RBMS3: variants seen among roughly 807,000 people sequenced by gnomAD.
The protein encoded by RBMS3 is RNA-binding motif, single-stranded-interacting protein 3.
In RBMS3, 27 loss-of-function variants were observed where a neutral mutation model predicts 66.8. The observed-to-expected ratio is 0.40, with a 90% CI of 0.30 to 0.56. The LOEUF (loss-of-function observed/expected upper bound fraction) is 0.56. RBMS3 is among the 20% of genes least tolerant of loss of function. The probability of loss-of-function intolerance (pLI) is 0.40; values close to 1 mark genes in which losing one functional copy is unlikely to be tolerated. For synonymous variants in RBMS3, 188 were observed against 183.0 expected, an observed-to-expected ratio of 1.03 and a Z score of -0.22; for missense variants, 513 against 549.5, an observed-to-expected ratio of 0.93 and a Z score of 0.66.
intron 1 of RBMS3, among the ~76,000 whole-genome samples, chr3:29,282,320 G>A (rs764704172): frequency 6.6e-6 from 1 of 152,054 alleles, no homozygotes; most frequent in Non-Finnish European, 1.5e-5. Context: ...ATTTTATGTT[G>A]AGGATGATCA....
intron 3 of RBMS3, among the ~76,000 whole-genome samples, chr3:29,522,951 G>T (rs1389500229): frequency 2.0e-5 from 3 of 152,160 alleles, no homozygotes; most frequent in Non-Finnish European, 4.4e-5. Flanking sequence ...CATTGTCGGT[G>T]TAACAGTAGT....
intron 1 of RBMS3, among the ~76,000 whole-genome samples, chr3:29,357,979 A>T (rs1206374325): frequency 6.6e-6 from 1 of 151,794 alleles, no homozygotes; most frequent in African/African-American, 2.4e-5. Flanking sequence ...GATTACAAAA[A>T]TTTTCTCCTA....
intron 4 of RBMS3, among the ~76,000 whole-genome samples, chr3:29,734,835 A>G (rs1303884522): frequency 2.0e-5 from 3 of 152,124 alleles, no homozygotes; most frequent in Non-Finnish European, 2.9e-5. Flanking sequence ...CATTTTGCAT[A>G]TCCTTTTATT....
At chr3:29,375,710 T>A (rs901719663) in intron 1 of RBMS3, among the ~76,000 whole-genome samples, 31 of 152,168 alleles carry the variant, frequency 2.0e-4, no homozygotes, top group African/African-American at 6.8e-4. Flanking sequence ...CAACAGATTC[T>A]GGCAAGGTTA....
chr3:29,953,067 G>A (rs1695786552), intron 12 of RBMS3, among the ~76,000 whole-genome samples: 3 of 151,822 alleles, frequency 2.0e-5, no homozygotes, highest in African/African-American at 7.3e-5. Flanking sequence ...TATACCAGTT[G>A]AACTGTGGAG....
chr3:29,519,062 G>A (rs554403088), intron 3 of RBMS3, among the ~76,000 whole-genome samples: 1 of 152,274 alleles, frequency 6.6e-6, no homozygotes, highest in South Asian at 2.1e-4. Flanking sequence ...AGTAATAATA[G>A]CATGAACTGG....
intron 1 of RBMS3, among the ~76,000 whole-genome samples, chr3:29,317,480 T>C (rs7627275): frequency 0.78 from 118,630 of 151,512 alleles, 46,690 homozygotes; most frequent in East Asian, 0.89. Flanking sequence ...AAGGAATGTG[T>C]AATGAATTCA....
chr3:29,845,360 A>G (rs941397381), intron 6 of RBMS3, among the ~76,000 whole-genome samples: 5 of 152,222 alleles, frequency 3.3e-5, no homozygotes, highest in African/African-American at 9.6e-5. Context: ...AGACTGTTAT[A>G]GTGACCAAAT....
chr3:29,640,506 T>TTA (rs375924500), intron 4 of RBMS3, among the ~76,000 whole-genome samples: 2 of 151,926 alleles, frequency 1.3e-5, no homozygotes, highest in African/African-American at 4.8e-5. Flanking sequence ...GCTTCACTAG[T>TTA]TAATATTTAG....
In RBMS3 at chr3:29,872,672, T is replaced by A. The variant is rs114808634; in HGVS notation, c.744+3708T>A. ...GTAAATAGACACTGCCCCTAGGCCATCAGTGCAACTCCACTTCCCCTTCCT... is the reference window on the plus strand; with the variant it reads ...GTAAATAGACACTGCCCCTAGGCCAACAGTGCAACTCCACTTCCCCTTCCT... On this transcript the variant is annotated intron_variant, in intron 7 of 14. Transcript: ENST00000383767. Among the ~76,000 whole-genome samples the A allele has an allele frequency of 4.0e-3, 612 of 152,252 alleles. 3 individuals carry two copies. The highest frequency in any genetic ancestry group is 0.014 in the African/African-American group (582 of 41,546).
chr3:29,315,111 T>C (rs2034594175), intron 1 of RBMS3, among the ~76,000 whole-genome samples: 1 of 151,810 alleles, frequency 6.6e-6, no homozygotes. Context: ...TTAGACACTA[T>C]TGGCACCATT....
In RBMS3 at chr3:29,502,745, T is replaced by C. The variant is rs151051774; in HGVS notation, c.307+14246T>C. ...TTATGTTGGCAAATGTCTAGCTTTC[T>C]ATCTAGGTTAACTTTAAAGTGAGCT... On this transcript the variant is annotated intron_variant, in intron 3 of 14. Transcript: ENST00000383767. 7.0e-4 allele frequency among the ~76,000 whole-genome samples: 107 copies of C among 152,324 alleles called. 1 individual carries two copies. The Middle Eastern group carries it at 0.01, about 15-fold the overall frequency.
chr3:29,590,820 T>G (rs2047708317), intron 4 of RBMS3, among the ~76,000 whole-genome samples: 1 of 152,130 alleles, frequency 6.6e-6, no homozygotes. Flanking sequence ...AGAGGCCAAT[T>G]CTTTGGGGTG....
At position 29,434,829 on chromosome 3, in the gene RBMS3, C is replaced by G. The variant is rs1045932921; in HGVS notation, c.162C>G (p.Ser54Arg). The G allele has an allele frequency of 1.2e-6, 2 of 1,614,084 alleles. No homozygotes were observed. Among genetic ancestry groups the G allele is most frequent in the Non-Finnish European group, 1.7e-6 (2 of 1,180,006 alleles). The change falls in exon 2 of 15, where the codon AGC (serine) becomes AGG (arginine). Residue 54 changes from serine to arginine, a missense_variant. Physicochemically the swap from Ser to Arg is moderately radical, Grantham distance 110 (BLOSUM62 -1). Coordinates refer to ENST00000383767, the MANE Select transcript of RBMS3 (RefSeq NM_001003793.3). ...GCAACAACAGCAGCAACAACAGCAG[C>G]GGGGAACAGTTGAGTAAAACCAACC... ...SSSNNSSNNS[S>R]GEQLSKTNLY... is the part of the protein sequence containing the mutation.
At chr3:29,771,314 A>C (rs1034787724) in intron 6 of RBMS3, among the ~76,000 whole-genome samples, 2 of 152,034 alleles carry the variant, frequency 1.3e-5, no homozygotes, top group African/African-American at 4.8e-5. Context: ...TTTGATGTTT[A>C]TCTCTCCCAT....
intron 4 of RBMS3, among the ~76,000 whole-genome samples, chr3:29,662,079 G>A (rs2050575065): frequency 6.6e-6 from 1 of 152,130 alleles, no homozygotes; most frequent in South Asian, 2.1e-4. Context: ...TGACAACATT[G>A]ACCTTTTGGG....
intron 6 of RBMS3, among the ~76,000 whole-genome samples, chr3:29,768,918 T>C (rs2056055963): frequency 6.6e-6 from 1 of 151,988 alleles, no homozygotes; most frequent in Non-Finnish European, 1.5e-5. Context: ...TCCCTTGCTC[T>C]GATTTTGGGG....
At chr3:29,930,109 CTTTTTT>C (rs775548425) in intron 10 of RBMS3, among the ~76,000 whole-genome samples, 2 of 43,556 alleles carry the variant, frequency 4.6e-5, no homozygotes, top group African/African-American at 1.3e-4. Flanking sequence ...TTCTTTCTTT[CTTTTTT>C]TTTTTTTTTT....
intron 6 of RBMS3, among the ~76,000 whole-genome samples, chr3:29,802,861 A>C (rs566677929): frequency 1.3e-5 from 2 of 152,282 alleles, no homozygotes; most frequent in East Asian, 3.9e-4. Context: ...GTGTATATTC[A>C]TACATTTTAT....
Sources: allele counts gnomAD v4.1 joint callset (sites outside exome capture counted in the v4.1 genomes callset), GRCh38; gene constraint gnomAD v4.1.1; transcripts MANE v1.5; gene names NCBI Gene and HGNC (gene_info 2026-07-23, HGNC 2026-07-21).